The following LRMDA variants were observed in gnomAD, a reference collection of about 807,000 sequenced individuals.
LRMDA encodes the protein leucine rich melanocyte differentiation associated.
LRMDA carries 18 observed loss-of-function variants against 29.8 expected under a neutral mutation model. The ratio of observed to expected loss-of-function variants is 0.60; its 90% CI spans 0.42 to 0.90. The LOEUF (loss-of-function observed/expected upper bound fraction) is 0.90. Ranked by LOEUF, LRMDA falls within the 40% of genes least tolerant of loss-of-function variation. The pLI is 0.00. For synonymous variants in LRMDA, 125 were observed against 109.4 expected (o/e 1.14, Z -0.89); for missense variants, 273 against 273.9 (o/e 1.00, Z 0.02).
chr10:76,204,073 A>C (rs1193780970), intron 5 of LRMDA, among the ~76,000 whole-genome samples: 1 of 132,774 alleles, frequency 7.5e-6, no homozygotes, highest in African/African-American at 3.0e-5. Context: ...TCTCTATTCC[A>C]TGTGCCTGTC....
At chr10:76,212,950 G>T (rs1244082480) in intron 5 of LRMDA, among the ~76,000 whole-genome samples, 2 of 152,184 alleles carry the variant, frequency 1.3e-5, no homozygotes, top group Admixed American at 1.3e-4. Flanking sequence ...CTGTTCCAAG[G>T]CCACACATCT....
intron 6 of LRMDA, among the ~76,000 whole-genome samples, chr10:76,505,804 G>A (rs1225392861): frequency 2.0e-5 from 3 of 152,104 alleles, no homozygotes; most frequent in African/African-American, 7.2e-5. Flanking sequence ...TTATGAGCTA[G>A]GGTGCTTATT....
At chr10:76,216,424 G>A (rs1269524235) in intron 5 of LRMDA, among the ~76,000 whole-genome samples, 1 of 152,152 alleles carries the variant, frequency 6.6e-6, no homozygotes, top group Non-Finnish European at 1.5e-5. Context: ...ATATGCAAAT[G>A]ATAATGGATC....
chr10:76,512,966 G>A (rs142790314), intron 6 of LRMDA, among the ~76,000 whole-genome samples: 62 of 152,274 alleles, frequency 4.1e-4, no homozygotes, highest in African/African-American at 1.4e-3. Flanking sequence ...AAGGCAACAG[G>A]TGCTAAGGCC....
At chr10:75,762,868 A>G (rs988236158) in intron 2 of LRMDA, among the ~76,000 whole-genome samples, 7 of 152,152 alleles carry the variant, frequency 4.6e-5, no homozygotes, top group African/African-American at 1.7e-4. Flanking sequence ...CCTCAAAGTA[A>G]TCTGTTCACC....
At chr10:75,831,826 G>A (rs1040439437) in intron 2 of LRMDA, among the ~76,000 whole-genome samples, 17 of 152,214 alleles carry the variant, frequency 1.1e-4, no homozygotes, top group African/African-American at 4.1e-4. Context: ...CATGGAAGCT[G>A]CCAAAGCTTG....
At chr10:75,549,718 C>T (rs1315831332) in intron 2 of LRMDA, among the ~76,000 whole-genome samples, 1 of 152,168 alleles carries the variant, frequency 6.6e-6, no homozygotes, top group Non-Finnish European at 1.5e-5. Context: ...TGCATACAGT[C>T]ATGTAACCAC....
chr10:76,331,245 T>C (rs550737033), intron 6 of LRMDA, among the ~76,000 whole-genome samples: 4 of 152,290 alleles, frequency 2.6e-5, no homozygotes, highest in African/African-American at 7.2e-5. Context: ...CACTCCAGCC[T>C]GGGCGACCAA....
intron 6 of LRMDA, among the ~76,000 whole-genome samples, chr10:76,375,976 C>T (rs560664299): frequency 6.6e-6 from 1 of 151,856 alleles, no homozygotes; most frequent in South Asian, 2.1e-4. Context: ...TATCACAGGA[C>T]AGATGGAAAC....
intron 5 of LRMDA, among the ~76,000 whole-genome samples, chr10:76,137,381 A>C (rs538276182): frequency 1.3e-5 from 2 of 152,332 alleles, no homozygotes; most frequent in East Asian, 3.9e-4. Flanking sequence ...ATGAGGTCTT[A>C]CTTAATGATA....
intron 2 of LRMDA, among the ~76,000 whole-genome samples, chr10:75,571,114 G>A (rs1047903404): frequency 6.6e-6 from 1 of 152,030 alleles, no homozygotes. Context: ...CTGCATGGGA[G>A]GTGTTCAGAT....
intron 2 of LRMDA, among the ~76,000 whole-genome samples, chr10:75,771,288 T>G (rs538702733): frequency 2.8e-4 from 42 of 152,286 alleles, no homozygotes; most frequent in Admixed American, 1.1e-3. Context: ...TGCATTTTTT[T>G]TTTTTATCTA....
chr10:76,233,657 C>T (rs1852099811), intron 5 of LRMDA, among the ~76,000 whole-genome samples: 1 of 152,320 alleles, frequency 6.6e-6, no homozygotes, highest in Admixed American at 6.5e-5. Context: ...CCTTTGTGGT[C>T]ATTTCAAGAA....
At chr10:76,217,708 G>C (rs976833949) in intron 5 of LRMDA, among the ~76,000 whole-genome samples, 1 of 152,184 alleles carries the variant, frequency 6.6e-6, no homozygotes, top group African/African-American at 2.4e-5. Context: ...ATATGGAGAA[G>C]TAATTTTACT....
At chr10:75,580,654 C>T (rs1840577788) in intron 2 of LRMDA, among the ~76,000 whole-genome samples, 1 of 152,284 alleles carries the variant, frequency 6.6e-6, no homozygotes, top group Non-Finnish European at 1.5e-5. Flanking sequence ...CATCATGCCA[C>T]CTGACTTCAA....
intron 5 of LRMDA, among the ~76,000 whole-genome samples, chr10:76,284,107 G>A (rs766679280): frequency 1.3e-5 from 2 of 152,084 alleles, no homozygotes; most frequent in African/African-American, 2.4e-5. Context: ...GTTATTTTTG[G>A]TCTTTGTGAT....
chr10:75,550,042 C>A (rs949493381), intron 2 of LRMDA, among the ~76,000 whole-genome samples: 2 of 152,060 alleles, frequency 1.3e-5, no homozygotes, highest in African/African-American at 4.8e-5. Context: ...ACACATTCAC[C>A]ATTTGATGGC....
intron 6 of LRMDA, among the ~76,000 whole-genome samples, chr10:76,329,533 A>G (rs1216019553): frequency 6.6e-6 from 1 of 152,204 alleles, no homozygotes; most frequent in Non-Finnish European, 1.5e-5. Flanking sequence ...TTTGCTGTGA[A>G]ACTTGCTTAG....
At chr10:76,277,269 AC>A (rs1840147755) in intron 5 of LRMDA, among the ~76,000 whole-genome samples, 1 of 151,336 alleles carries the variant, frequency 6.6e-6, no homozygotes, top group Non-Finnish European at 1.5e-5. Context: ...AGAACAATAA[AC>A]CCAGAAATTC....
Sources: allele counts gnomAD v4.1 joint callset (sites outside exome capture counted in the v4.1 genomes callset), GRCh38; gene constraint gnomAD v4.1.1; transcripts MANE v1.5; gene names NCBI Gene and HGNC (gene_info 2026-07-23, HGNC 2026-07-21).